The following RNF220 variants were observed in gnomAD, a reference collection of about 807,000 sequenced individuals.
RNF220 encodes ring finger protein 220, also known as E3 ubiquitin-protein ligase RNF220.
A neutral mutation model predicts 67.1 loss-of-function variants in RNF220; 7 were observed. That is an observed-to-expected ratio of 0.10 (90% CI 0.06 to 0.20). The LOEUF (loss-of-function observed/expected upper bound fraction) is 0.20, where lower values mean the gene tolerates loss of function less well. Ranked by LOEUF, RNF220 falls within the 10% of genes least tolerant of loss-of-function variation. The pLI, the probability that RNF220 is intolerant of heterozygous loss-of-function variation, is 1.00. For synonymous variants in RNF220, 270 were observed against 283.2 expected (o/e 0.95, Z 0.47); for missense variants, 565 against 740.3 (o/e 0.76, Z 2.75).
intron 2 of RNF220, among the ~76,000 whole-genome samples, chr1:44,430,728 G>T (rs1192340248): frequency 1.3e-5 from 2 of 152,092 alleles, no homozygotes; most frequent in East Asian, 3.9e-4. Context: ...TGTATTTTTA[G>T]TAGAGACAGG....
chr1:44,526,403 G>A (rs1263438147), intron 2 of RNF220, among the ~76,000 whole-genome samples: 1 of 152,132 alleles, frequency 6.6e-6, no homozygotes, highest in East Asian at 1.9e-4. Flanking sequence ...AGGCCAAACA[G>A]CCACAACTTT....
chr1:44,426,738 A>AAAAG (rs1553214397), intron 2 of RNF220, among the ~76,000 whole-genome samples: 2 of 151,746 alleles, frequency 1.3e-5, no homozygotes, highest in Non-Finnish European at 2.9e-5. Context: ...AAAAAAAAAA[A>AAAAG]AAAGAAAGAA....
chr1:44,606,360 G>A lies in RNF220; in HGVS notation c.626-7805G>A, dbSNP rs1015390815. Among the ~76,000 whole-genome samples, 9 of 152,172 alleles carry A rather than the reference G, an allele frequency of 5.9e-5. No individual in the cohort carries two copies. The highest frequency in any genetic ancestry group is 2.9e-5 in the Non-Finnish European group (2 of 68,022). ...TTGCTGTCCCATACTCAGCAGAGGC[G>A]CCAATCATAGTTTTAAGAGAAGGAG... On this transcript the variant is annotated intron_variant, in intron 2 of 14. Transcript: ENST00000361799. This position sits in a 1 kb window ranked among gnomAD's most constrained non-coding sequence, Gnocchi z 4.2.
intron 2 of RNF220, among the ~76,000 whole-genome samples, chr1:44,597,299 G>T (rs536502506): frequency 4.3e-4 from 65 of 152,260 alleles, no homozygotes; most frequent in Admixed American, 1.8e-3. Flanking sequence ...ATAAATGAAT[G>T]AAGTAGCCAG....
At chr1:44,635,635 T>C (rs1644305065) in intron 7 of RNF220, 47 bp downstream of exon 7, 1 of 1,614,118 alleles carries the variant, frequency 6.2e-7, no homozygotes, top group Non-Finnish European at 8.5e-7. Flanking sequence ...GAGCAGGAGA[T>C]GAGTAGGCAT....
chr1:44,625,026 TGAGAGA>T (rs71665956), intron 4 of RNF220, among the ~76,000 whole-genome samples: 105,673 of 147,378 alleles, frequency 0.72, 37,665 homozygotes, highest in East Asian at 0.94. Flanking sequence ...CTAGAGAGAA[TGAGAGA>T]GAGAGAGAGA....
At chr1:44,492,811 A>G (rs1253138308) in intron 2 of RNF220, among the ~76,000 whole-genome samples, 1 of 152,148 alleles carries the variant, frequency 6.6e-6, no homozygotes, top group Non-Finnish European at 1.5e-5. Context: ...TTCAGGGGTG[A>G]TGAAAATGCT....
At chr1:44,586,760 G>A (rs144277851) in intron 2 of RNF220, among the ~76,000 whole-genome samples, 1,813 of 152,290 alleles carry the variant, frequency 0.012, 18 homozygotes, top group Non-Finnish European at 0.019. Context: ...GAGGAATATC[G>A]CAAGGGCAAG....
intron 2 of RNF220, among the ~76,000 whole-genome samples, chr1:44,422,403 G>C (rs1188061917): frequency 6.6e-6 from 1 of 152,186 alleles, no homozygotes; most frequent in African/African-American, 2.4e-5. Flanking sequence ...GGCCAACCTG[G>C]TGGGGCTTCA....
chr1:44,514,690 T>A lies in RNF220; in HGVS notation c.626-99475T>A, dbSNP rs542717117. ...TATTGGGCTACTTTTTAGATTTTTT[T>A]AAAAAAGATATATCTTTTGGCTAAC... On this transcript the variant is annotated intron_variant, in intron 2 of 14. Coordinates refer to ENST00000361799, the MANE Select transcript of RNF220 (RefSeq NM_018150.4). 9.8e-5 allele frequency among the ~76,000 whole-genome samples: 15 copies of A among 152,290 alleles called. No homozygotes were observed. In the South Asian group the frequency reaches 1.0e-3, roughly 11 times the overall value.
intron 2 of RNF220, among the ~76,000 whole-genome samples, chr1:44,584,034 A>G (rs1033586925): frequency 1.3e-5 from 2 of 152,236 alleles, no homozygotes; most frequent in East Asian, 1.9e-4. Flanking sequence ...CAGCTACAAC[A>G]TGAGGTACAT....
chr1:44,529,714 A>G (rs1401816116), intron 2 of RNF220, among the ~76,000 whole-genome samples: 1 of 152,162 alleles, frequency 6.6e-6, no homozygotes, highest in African/African-American at 2.4e-5. Flanking sequence ...ATTTATTTGA[A>G]AAACATAAAA....
chr1:44,415,072 G>A (rs984962349), intron 2 of RNF220, among the ~76,000 whole-genome samples: 10 of 147,672 alleles, frequency 6.8e-5, no homozygotes, highest in Non-Finnish European at 1.3e-4. Context: ...ACTAGATAGC[G>A]TTTGTGCTTT....
rs190851584 is a variant in RNF220, at chr1:44,480,758, C to T, written c.625+68036C>T. Among the ~76,000 whole-genome samples the T allele has an allele frequency of 9.6e-4, 146 of 151,910 alleles. 1 individual carries two copies. In the Middle Eastern group the frequency reaches 0.01, roughly 11 times the overall value. ...AAAATTAGCTGGGCATGGTGGGGCA[C>T]GCCTGCAGTCCCAGCTACTTGGGAG... On this transcript the variant is annotated intron_variant, in intron 2 of 14. Transcript: ENST00000361799.
chr1:44,531,605 A>G (rs1363611587), intron 2 of RNF220, among the ~76,000 whole-genome samples: 1 of 152,198 alleles, frequency 6.6e-6, no homozygotes, highest in Non-Finnish European at 1.5e-5. Flanking sequence ...GGAATATCAG[A>G]TCAGTTATTA....
intron 2 of RNF220, among the ~76,000 whole-genome samples, chr1:44,529,394 CAG>C: frequency 6.6e-6 from 1 of 151,758 alleles, no homozygotes; most frequent in Non-Finnish European, 1.5e-5. Flanking sequence ...TATTTTTAGA[CAG>C]AGTCTCGCTA....
intron 2 of RNF220, among the ~76,000 whole-genome samples, chr1:44,520,085 T>TTGTGAGTG: frequency 9.4e-6 from 1 of 106,462 alleles, no homozygotes; most frequent in Admixed American, 1.1e-4. Flanking sequence ...AAGTCCAGCA[T>TTGTGAGTG]TGTGTGTGTG....
intron 2 of RNF220, among the ~76,000 whole-genome samples, chr1:44,577,196 G>A (rs542246829): frequency 1.3e-5 from 2 of 152,266 alleles, no homozygotes; most frequent in South Asian, 4.1e-4. Context: ...CCCTAGGACT[G>A]TCTTCCTATC....
intron 2 of RNF220, among the ~76,000 whole-genome samples, chr1:44,504,193 A>G (rs1476228291): frequency 6.6e-6 from 1 of 152,152 alleles, no homozygotes; most frequent in East Asian, 1.9e-4. Flanking sequence ...GATGCTCCGT[A>G]AAGTTCTAGG....
Sources: allele counts gnomAD v4.1 joint callset (sites outside exome capture counted in the v4.1 genomes callset), GRCh38; gene constraint gnomAD v4.1.1; non-coding constraint Gnocchi (gnomAD v3.1); transcripts MANE v1.5; gene names NCBI Gene and HGNC (gene_info 2026-07-23, HGNC 2026-07-21).